Variants in GABRR1 observed in about 807,000 individuals in gnomAD.
GABRR1 encodes the protein gamma-aminobutyric acid type A receptor subunit rho1.
Under a neutral mutation model 55.5 loss-of-function variants are expected in GABRR1, and 59 were observed. That is an observed-to-expected ratio of 1.06 (90% CI 0.86 to 1.32). The LOEUF (loss-of-function observed/expected upper bound fraction) is 1.32, where lower values mean the gene tolerates loss of function less well. Among genes scored for constraint, GABRR1 ranks in the 40% most tolerant of loss-of-function variants. The pLI is 0.00. For synonymous variants in GABRR1, 213 were observed against 226.0 expected, an observed-to-expected ratio of 0.94 and a Z score of 0.51; for missense variants, 602 against 619.1, an observed-to-expected ratio of 0.97 and a Z score of 0.29.
At chr6:89,181,876 T>C (rs977877821) in intron 8 of GABRR1, 29 bp downstream of exon 8, 1 of 1,573,740 alleles carries the variant, frequency 6.4e-7, no homozygotes, top group Non-Finnish European at 8.6e-7. Flanking sequence ...TTGCAGATGC[T>C]TGGAATATGC....
intron 1 of GABRR1, among the ~76,000 whole-genome samples, chr6:89,224,003 T>C (rs1483540929): frequency 1.3e-5 from 2 of 152,046 alleles, no homozygotes; most frequent in Non-Finnish European, 2.9e-5. Flanking sequence ...CCTCATGATC[T>C]GCCTGCCTCG....
At chr6:89,204,919 A>G (rs1022127183) in intron 1 of GABRR1, among the ~76,000 whole-genome samples, 2 of 152,014 alleles carry the variant, frequency 1.3e-5, no homozygotes, top group African/African-American at 4.8e-5. Flanking sequence ...TTTCTTTTAA[A>G]CTCAAATTAT....
intron 1 of GABRR1, among the ~76,000 whole-genome samples, chr6:89,215,810 CTTAAAA>C (rs1252479059): frequency 6.6e-6 from 1 of 152,110 alleles, no homozygotes; most frequent in Non-Finnish European, 1.5e-5. Context: ...TAATTTGTCA[CTTAAAA>C]TTTAAATGTT....
chr6:89,202,041 T>G (rs969017741), intron 2 of GABRR1, among the ~76,000 whole-genome samples: 1 of 152,250 alleles, frequency 6.6e-6, no homozygotes, highest in East Asian at 1.9e-4. Context: ...TGGCCCACTG[T>G]GGAGGGAGCG....
At position 89,182,069 on chromosome 6, in the gene GABRR1, A is replaced by G; in HGVS notation, c.797-12T>C. The G allele has an allele frequency of 6.2e-7, 1 of 1,613,844 alleles. No homozygotes were observed. The highest frequency in any genetic ancestry group is 8.5e-7 in the Non-Finnish European group (1 of 1,179,794). On this transcript the variant is annotated splice_polypyrimidine_tract_variant and intron_variant, in intron 7 of 9. Transcript: ENST00000454853. ...ACGGTTGTACCAGCCTGGGGGACAC[A>G]GGAATAAAAGACAGTACACATCATG...
intron 5 of GABRR1, among the ~76,000 whole-genome samples, chr6:89,195,881 C>G (rs964945159): frequency 6.6e-6 from 1 of 152,180 alleles, no homozygotes; most frequent in Admixed American, 6.5e-5. Context: ...AGTATTTATA[C>G]TACAGAAATC....
At chr6:89,207,456 A>G (rs1772687418) in intron 1 of GABRR1, among the ~76,000 whole-genome samples, 1 of 152,106 alleles carries the variant, frequency 6.6e-6, no homozygotes, top group Non-Finnish European at 1.5e-5. Context: ...CGGCCTCCCA[A>G]AATGCTGGGA....
At chr6:89,192,855 C>T (rs192067712) in intron 5 of GABRR1, among the ~76,000 whole-genome samples, 13 of 152,312 alleles carry the variant, frequency 8.5e-5, no homozygotes, top group Admixed American at 6.5e-4. Flanking sequence ...CCACCATGCC[C>T]GGCCTCATTG....
At chr6:89,194,906 C>T (rs1318951821) in intron 5 of GABRR1, among the ~76,000 whole-genome samples, 1 of 151,992 alleles carries the variant, frequency 6.6e-6, no homozygotes, top group Non-Finnish European at 1.5e-5. Flanking sequence ...CCTCAAAGGA[C>T]CAAATCTAAG....
intron 5 of GABRR1, among the ~76,000 whole-genome samples, chr6:89,195,203 G>C (rs1286027259): frequency 1.3e-5 from 2 of 152,104 alleles, no homozygotes. Context: ...GCTCACGTCT[G>C]TAATCCTAGC....
chr6:89,197,364 C>A (rs1432997069), intron 5 of GABRR1, among the ~76,000 whole-genome samples: 8 of 152,336 alleles, frequency 5.3e-5, no homozygotes, highest in South Asian at 2.1e-4. Flanking sequence ...AGGCCTGCTG[C>A]TCATCTCCAT....
At chr6:89,187,997 T>G (rs1771965326) in intron 6 of GABRR1, among the ~76,000 whole-genome samples, 1 of 152,176 alleles carries the variant, frequency 6.6e-6, no homozygotes, top group African/African-American at 2.4e-5. Context: ...GAAATGGATT[T>G]GCTGGATCAT....
intron 1 of GABRR1, among the ~76,000 whole-genome samples, chr6:89,208,143 G>T (rs1209677552): frequency 2.0e-5 from 3 of 152,344 alleles, no homozygotes; most frequent in East Asian, 1.9e-4. Flanking sequence ...ACCAATAGGG[G>T]TGTGGGTTCC....
intron 7 of GABRR1, 94 bp from the exon 8 acceptor site, chr6:89,182,151 A>G (rs988817506): frequency 9.4e-6 from 11 of 1,169,264 alleles, no homozygotes; most frequent in East Asian, 2.3e-5. Context: ...AGACACTCCA[A>G]TGGACTCTTA....
At chr6:89,197,639 T>A (rs1327802401) in intron 5 of GABRR1, among the ~76,000 whole-genome samples, 1 of 152,174 alleles carries the variant, frequency 6.6e-6, no homozygotes, top group Non-Finnish European at 1.5e-5. Context: ...ATGCCTGTGG[T>A]GGCCAGATGA....
intron 9 of GABRR1, 120 bp downstream of exon 9, chr6:89,180,172 A>G (rs1324010063): frequency 2.9e-6 from 3 of 1,026,582 alleles, no homozygotes; most frequent in South Asian, 1.9e-5. Context: ...AACCCTGTGA[A>G]GTAGGCACAG....
intron 1 of GABRR1, among the ~76,000 whole-genome samples, chr6:89,224,271 T>G (rs1353610784): frequency 6.6e-6 from 1 of 151,192 alleles, no homozygotes; most frequent in East Asian, 1.9e-4. Flanking sequence ...TTTGTACTTT[T>G]AGTAGAGACA....
chr6:89,198,257 G>A lies in GABRR1; in HGVS notation c.349-14C>T, dbSNP rs1375395090. 6.3e-7 allele frequency: 1 copy of A among 1,581,448 alleles called. No homozygotes were observed. Among genetic ancestry groups the A allele is most frequent in the Non-Finnish European group, 8.7e-7 (1 of 1,150,628 alleles). Reference sequence around the variant, plus strand: ...CATCGTAAAGTCCTGGGAGCAGAAGGGCAGAGAGGGAACCCCAGACACACA... The same window carrying A: ...CATCGTAAAGTCCTGGGAGCAGAAGAGCAGAGAGGGAACCCCAGACACACA... On this transcript the variant is annotated splice_polypyrimidine_tract_variant and intron_variant, in intron 4 of 9. Coordinates refer to ENST00000454853, the MANE Select transcript of GABRR1 (RefSeq NM_002042.5).
In GABRR1 at chr6:89,181,991, G is replaced by A; in HGVS notation, c.863C>T (p.Thr288Ile). 6.2e-7 allele frequency: 1 copy of A among 1,614,172 alleles called. No homozygotes were observed. The highest frequency in any genetic ancestry group is 8.5e-7 in the Non-Finnish European group (1 of 1,180,028). Residue 288 changes from threonine to isoleucine, a missense_variant, in exon 8 of 10, where the codon ACT becomes ATT. Coordinates refer to ENST00000454853, the MANE Select transcript of GABRR1 (RefSeq NM_002042.5). ...RRHIFFFLLQ[T>I]YFPATLMVML... is the part of the protein sequence containing the mutation. ...GACCATCAGGGTAGCGGGGAAATAA[G>A]TTTGGAGCAAGAAGAAGAAGATGTG...
Sources: gnomAD v4.1 joint callset for allele counts (sites outside exome capture counted in the v4.1 genomes callset) on GRCh38, gnomAD v4.1.1 for gene constraint, MANE v1.5 for transcripts, NCBI Gene and HGNC (gene_info 2026-07-23, HGNC 2026-07-21) for gene names.